ACTA2: variants seen among roughly 807,000 people sequenced by gnomAD.
ACTA2 encodes the protein actin, aortic smooth muscle.
Under a neutral mutation model 39.5 loss-of-function variants are expected in ACTA2, and 12 were observed. The observed-to-expected ratio is 0.30, with a 90% confidence interval of 0.19 to 0.49. ACTA2 has a LOEUF of 0.49. Ranked by LOEUF, ACTA2 falls within the 20% of genes least tolerant of loss-of-function variation. ACTA2 has a pLI of 0.99. For synonymous variants in ACTA2, 158 were observed against 180.6 expected (o/e 0.88, Z 1.00); for missense variants, 236 against 498.8 (o/e 0.47, Z 5.02).
Position 88,990,715 on chromosome 10 carries a change from G to C in ACTA2, c.-24+224C>G, listed in dbSNP as rs557366318. The C allele has an allele frequency of 1.3e-6, 1 of 797,670 alleles. No individual in the cohort carries two copies. The highest frequency in any genetic ancestry group is 2.6e-5 in the East Asian group (1 of 38,230). 49.4% of individuals were successfully genotyped at this position (797,670 alleles called of 1,614,324 possible). Reference sequence around the variant, plus strand: ...CTGGGGAGTGAGGGAAGCGGTTTACGAGTGACTTGGCTGGAGCCTCAGGGG... The same window carrying C: ...CTGGGGAGTGAGGGAAGCGGTTTACCAGTGACTTGGCTGGAGCCTCAGGGG... On this transcript the variant is annotated intron_variant, in intron 1 of 4. Coordinates refer to the ACTA2 transcript ENST00000415557. The surrounding 1 kb of genome is among the most constrained non-coding windows in gnomAD (Gnocchi z 4.9).
At chr10:88,991,172 A>C in exon 1 of ACTA2, 2 of 585,096 alleles carry the variant, frequency 3.4e-6, no homozygotes, top group Non-Finnish European at 3.0e-6. Context: ...CAGGCGGGGC[A>C]GCTCCGGCGC....
At chr10:88,966,203 CA>C (rs1459224866) in intron 1 of ACTA2, among the ~76,000 whole-genome samples, 1 of 152,148 alleles carries the variant, frequency 6.6e-6, no homozygotes, top group Non-Finnish European at 1.5e-5. Context: ...ACTGAAGTCT[CA>C]AAAATACAGA....
chr10:88,952,661 C>T (rs1379889245), intron 1 of ACTA2, 70 bp downstream of exon 1: 1 of 152,218 alleles, frequency 6.6e-6, no homozygotes, highest in East Asian at 1.9e-4. Context: ...CAGATGATGT[C>T]TTATTATACC....
At chr10:88,980,616 C>T (rs752115900) in intron 1 of ACTA2, among the ~76,000 whole-genome samples, 5 of 152,140 alleles carry the variant, frequency 3.3e-5, no homozygotes, top group Non-Finnish European at 5.9e-5. Context: ...AGTAGGTACT[C>T]GTAAGTATTC....
chr10:88,963,607 A>G (rs372914073), intron 1 of ACTA2, among the ~76,000 whole-genome samples: 1 of 152,110 alleles, frequency 6.6e-6, no homozygotes, highest in East Asian at 1.9e-4. Flanking sequence ...ACCAATAGCA[A>G]ATACTTTTGG....
intron 8 of ACTA2, 152 bp downstream of exon 8, chr10:88,937,909 C>G: frequency 1.2e-6 from 1 of 827,788 alleles, no homozygotes; most frequent in Non-Finnish European, 2.0e-6. Flanking sequence ...GATTGACTTA[C>G]ATCCTGTAAA....
Position 88,938,090 on chromosome 10 carries a change from C to T in ACTA2, c.961G>A (p.Ala321Thr), listed in dbSNP as rs1408698395. 3.7e-6 allele frequency: 6 copies of T among 1,613,864 alleles called. No individual in the cohort carries two copies. The highest frequency in any genetic ancestry group is 5.1e-6 in the Non-Finnish European group (6 of 1,179,926). Residue 321 changes from alanine (A) to threonine (T), a missense_variant, in exon 8 of 9, where the codon GCC becomes ACC. Ala to Thr is a moderately conservative substitution (Grantham distance 58). Transcript: ENST00000224784. ...IADRMQKEIT[A>T]LAPSTMKIKI... ...ATCTTCATGGTGCTGGGTGCTAGGG[C>T]CGTGATCTCCTTCTGCATTCGGTCG...
At position 88,939,712 on chromosome 10, in the gene ACTA2, A is replaced by G. The variant is rs776041033; in HGVS notation, c.617-14T>C. ...TCTCACGCTCAGCTGTCAACCAGAT[A>G]CAAACATTGTGGCAAACATTAGGGT... On this transcript the variant is annotated splice_polypyrimidine_tract_variant and intron_variant, in intron 6 of 8. Coordinates refer to ENST00000224784, the MANE Select transcript of ACTA2 (RefSeq NM_001613.4). The G allele has an allele frequency of 5.6e-6, 9 of 1,613,726 alleles. No homozygotes were observed. Among genetic ancestry groups the G allele is most frequent in the Non-Finnish European group, 7.6e-6 (9 of 1,179,890 alleles).
chr10:88,965,021 C>T (rs953546393), intron 1 of ACTA2, among the ~76,000 whole-genome samples: 4 of 152,068 alleles, frequency 2.6e-5, no homozygotes, highest in Non-Finnish European at 2.9e-5. Context: ...TTTCCAGAGC[C>T]GGGGATAGCT....
intron 8 of ACTA2, among the ~76,000 whole-genome samples, chr10:88,936,289 T>C (rs1180763841): frequency 6.6e-6 from 1 of 152,216 alleles, no homozygotes; most frequent in South Asian, 2.1e-4. Context: ...CAGGTGGTTT[T>C]ATGTTTTGGT....
rs2133383960 is a variant in ACTA2 at position 88,990,854 on chromosome 10, C to T, written c.-24+85G>A. ...GTACGGAGTTGGGGAAGCTCTTTCACTTCGGAGGATTGCTCAACAACCATG... is the reference window on the plus strand; with the variant it reads ...GTACGGAGTTGGGGAAGCTCTTTCATTTCGGAGGATTGCTCAACAACCATG... On this transcript the variant is annotated intron_variant, in intron 1 of 4. Transcript: ENST00000415557. This position sits in a 1 kb window ranked among gnomAD's most constrained non-coding sequence, Gnocchi z 4.9. 1 of 1,614,230 alleles carries T rather than the reference C, an allele frequency of 6.2e-7. No individual in the cohort carries two copies. Among genetic ancestry groups the T allele is most frequent in the Non-Finnish European group, 8.5e-7 (1 of 1,180,042 alleles).
At position 88,988,411 on chromosome 10, in the gene ACTA2, T is replaced by A. The variant is rs927553504; in HGVS notation, c.-24+2528A>T. On this transcript the variant is annotated intron_variant, in intron 1 of 4. Transcript: ENST00000415557. ...CAAAAGTCTTAGTGGTAAAAAGATG[T>A]AGAAGTTTTTTTTTTTTTTTGTTTT... Among the ~76,000 whole-genome samples the A allele has an allele frequency of 6.7e-4, 75 of 111,560 alleles. 2 individuals are homozygous for A. The highest frequency in any genetic ancestry group is 7.0e-5 in the Non-Finnish European group (4 of 56,838). The allele number at this position is 111,560 out of a possible 152,430, so 73.2% of individuals were successfully genotyped here.
At chr10:88,972,822 GA>G (rs963685509) in intron 1 of ACTA2, among the ~76,000 whole-genome samples, 1 of 152,118 alleles carries the variant, frequency 6.6e-6, no homozygotes, top group African/African-American at 2.4e-5. Context: ...ATCAAAGTGA[GA>G]CCCCATTTAT....
chr10:88,935,219 T>C lies in ACTA2; in HGVS notation c.*4A>G, dbSNP rs768058257. 13 of 1,612,618 alleles carry C rather than the reference T, an allele frequency of 8.1e-6. No homozygotes were observed. The highest frequency in any genetic ancestry group is 1.3e-5 in the African/African-American group (1 of 74,846). On this transcript the variant is annotated 3_prime_UTR_variant, in exon 9 of 9. Transcript: ENST00000224784. ...CTAGAGACAGAGAGGAGCAGGAAAG[T>C]GTTTTAGAAGCATTTGCGGTGGACA...
rs1218077165 is a variant in ACTA2, at chr10:88,984,683, A to ATTCATGAAACCACTGGGCCAGGCCCAG, written c.-24+6255_-24+6256insCTGGGCCTGGCCCAGTGGTTTCATGAA. Among the ~76,000 whole-genome samples, 282 of 152,308 alleles carry ATTCATGAAACCACTGGGCCAGGCCCAG rather than the reference A, an allele frequency of 1.9e-3. 1 individual carries two copies. Among genetic ancestry groups the ATTCATGAAACCACTGGGCCAGGCCCAG allele is most frequent in the Admixed American group, 3.8e-3 (58 of 15,304 alleles). ...AGGCCTCTCTTGACTTCTTATGTTT[A>ATTCATGAAACCACTGGGCCAGGCCCAG]GTTATTCATGAAACCACTGGGCCTG... On this transcript the variant is annotated intron_variant, in intron 1 of 4. Transcript: ENST00000415557.
Position 88,962,911 on chromosome 10 carries a change from CCATATATATATATATA to C in ACTA2, c.-23-13974_-23-13959del, listed in dbSNP as rs1846250930. On this transcript the variant is annotated intron_variant, in intron 1 of 4. Coordinates refer to the ACTA2 transcript ENST00000415557. The stretch of plus-strand genomic sequence containing the variant: ...AAGAGAGTGAGTGCAGGGGAATGCC[CCATATATATATATATA>C]TATATATATATATATATATATATAT... Among the ~76,000 whole-genome samples the C allele has an allele frequency of 3.6e-4, 17 of 46,584 alleles. 1 individual carries two copies. The South Asian group carries it at 5.5e-3, about 15-fold the overall frequency. The allele number at this position is 46,584 out of a possible 152,430, so 30.6% of individuals were successfully genotyped here.
chr10:88,960,547 C>A (rs1348320969), intron 1 of ACTA2, among the ~76,000 whole-genome samples: 1 of 152,016 alleles, frequency 6.6e-6, no homozygotes, highest in Admixed American at 6.6e-5. Flanking sequence ...TGCTTTGGAC[C>A]AAAATCATAG....
intron 7 of ACTA2, 31 bp from the exon 8 acceptor site, chr10:88,938,273 A>T (rs1845782661): frequency 3.1e-6 from 5 of 1,613,272 alleles, no homozygotes; most frequent in Non-Finnish European, 4.2e-6. Flanking sequence ...ATGGTCCTTA[A>T]GTGGAGAGTA....
chr10:88,945,127 A>G, intron 3 of ACTA2, among the ~76,000 whole-genome samples: 1 of 152,228 alleles, frequency 6.6e-6, no homozygotes, highest in Non-Finnish European at 1.5e-5. Context: ...CCCCACCAGA[A>G]GATACTTTGA....
Sources: gnomAD v4.1 joint callset for allele counts (sites outside exome capture counted in the v4.1 genomes callset) on GRCh38, gnomAD v4.1.1 for gene constraint, Gnocchi (gnomAD v3.1) non-coding constraint, MANE v1.5 for transcripts, NCBI Gene and HGNC (gene_info 2026-07-23, HGNC 2026-07-21) for gene names.